Variants in RAB2A observed in about 807,000 individuals in gnomAD.
RAB2A encodes ras-related protein Rab-2A.
RAB2A carries 7 observed loss-of-function variants against 32.5 expected under a neutral mutation model. The ratio of observed to expected loss-of-function variants is 0.22; its 90% CI spans 0.12 to 0.40. The LOEUF is 0.40. Ranked by LOEUF, RAB2A falls within the 10% of genes least tolerant of loss-of-function variation. The pLI is 1.00. For synonymous variants in RAB2A, 79 were observed against 85.2 expected, an observed-to-expected ratio of 0.93 and a Z score of 0.40; for missense variants, 108 against 260.7, an observed-to-expected ratio of 0.41 and a Z score of 4.03.
At chr8:60,517,377 CT>C in intron 1 of RAB2A, 124 bp downstream of exon 1, 1 of 946,286 alleles carries the variant, frequency 1.1e-6, no homozygotes, top group Non-Finnish European at 1.5e-6. Context: ...GGCCGCGCCG[CT>C]CCATTTCCGC....
chr8:60,580,415 T>TA (rs201811996), intron 3 of RAB2A, among the ~76,000 whole-genome samples: 2,337 of 146,100 alleles, frequency 0.016, 48 homozygotes, highest in African/African-American at 0.053. Context: ...GAAGCCATAA[T>TA]AAAAAAAAAA....
intron 2 of RAB2A, among the ~76,000 whole-genome samples, chr8:60,565,812 G>A (rs1808103932): frequency 6.8e-6 from 1 of 147,800 alleles, no homozygotes; most frequent in South Asian, 2.2e-4. Flanking sequence ...CCAGGTTCAA[G>A]CGATTCTCCT....
chr8:60,530,253 G>T (rs1031147244), intron 1 of RAB2A, among the ~76,000 whole-genome samples: 5 of 150,470 alleles, frequency 3.3e-5, no homozygotes, highest in East Asian at 2.0e-4. Flanking sequence ...GTTTCAAGCC[G>T]TTCTGCCTCA....
At position 60,620,991 on chromosome 8, in the gene RAB2A, T is replaced by A; in HGVS notation, c.*222T>A. 2.1e-6 allele frequency: 1 copy of A among 466,222 alleles called. No homozygotes were observed. 28.9% of individuals were successfully genotyped at this position (466,222 alleles called of 1,614,324 possible). A position where few individuals can be genotyped will look rare whatever the true frequency, so the allele number is the denominator to read the frequency against. On this transcript the variant is annotated 3_prime_UTR_variant, in exon 8 of 8. Coordinates refer to ENST00000262646, the MANE Select transcript of RAB2A (RefSeq NM_002865.3). ...TATCTATTTGCATTTGATTTCTAGG[T>A]CAATTGATGTGATTATTTTTGTTAA...
chr8:60,524,053 A>G (rs1807342234), intron 1 of RAB2A, among the ~76,000 whole-genome samples: 1 of 151,854 alleles, frequency 6.6e-6, no homozygotes, highest in African/African-American at 2.4e-5. Flanking sequence ...TCCCCCTAAT[A>G]TTTATACCGT....
intron 1 of RAB2A, among the ~76,000 whole-genome samples, chr8:60,530,934 C>T (rs867278000): frequency 6.6e-6 from 1 of 152,186 alleles, no homozygotes; most frequent in African/African-American, 2.4e-5. Context: ...GAGAAGATAC[C>T]TGCCACTAAC....
chr8:60,558,511 C>A, intron 1 of RAB2A: 1 of 495,348 alleles, frequency 2.0e-6, no homozygotes, highest in South Asian at 1.5e-5. Context: ...TAAATATTTT[C>A]ACTGTAACAC....
chr8:60,614,603 C>T (rs1028827119), intron 6 of RAB2A, among the ~76,000 whole-genome samples: 2 of 152,136 alleles, frequency 1.3e-5, no homozygotes, highest in Admixed American at 1.3e-4. Context: ...GTAAGATCCA[C>T]ATTAGCGTGT....
rs1052259048 is a variant in RAB2A at position 60,571,949 on chromosome 8, C to T, written c.119-97C>T. Reference sequence around the variant, plus strand: ...TAAAGTTGATCTGTATATTACCTAGCATAGCATGTCTTGGAAGTAAACATT... The same window carrying T: ...TAAAGTTGATCTGTATATTACCTAGTATAGCATGTCTTGGAAGTAAACATT... On this transcript the variant is annotated intron_variant, in intron 2 of 7. Coordinates refer to ENST00000262646, the MANE Select transcript of RAB2A (RefSeq NM_002865.3). 36 of 775,922 alleles carry T rather than the reference C, an allele frequency of 4.6e-5. No individual in the cohort carries two copies. The East Asian group carries it at 5.1e-4, about 11-fold the overall frequency. The allele number at this position is 775,922 out of a possible 1,614,324, so 48.1% of individuals were successfully genotyped here.
At chr8:60,576,168 T>C in intron 3 of RAB2A, 1 of 455,346 alleles carries the variant, frequency 2.2e-6, no homozygotes, top group Non-Finnish European at 4.4e-6. Context: ...CTTGGCCCTT[T>C]ACTGAGTTAC....
At chr8:60,594,149 C>A (rs137875777) in intron 6 of RAB2A, among the ~76,000 whole-genome samples, 1 of 152,130 alleles carries the variant, frequency 6.6e-6, no homozygotes, top group Non-Finnish European at 1.5e-5. Context: ...CAAAAGCTGA[C>A]GTTATATGAT....
In RAB2A at chr8:60,558,826, CTTAT is replaced by C. The variant is rs1563469654; in HGVS notation, c.47-19_47-16del. 3.8e-6 allele frequency: 6 copies of C among 1,580,730 alleles called. No homozygotes were observed. The highest frequency in any genetic ancestry group is 1.4e-5 in the African/African-American group (1 of 74,048). On this transcript the variant is annotated intron_variant, in intron 1 of 7. Transcript: ENST00000262646. ...ATCTTAATTTCTGTGAATTTTGTCT[CTTAT>C]TTATTTTTTTTTAACTTTCAGGTGT...
At chr8:60,601,487 G>A (rs1804134281) in intron 6 of RAB2A, among the ~76,000 whole-genome samples, 1 of 152,064 alleles carries the variant, frequency 6.6e-6, no homozygotes, top group Non-Finnish European at 1.5e-5. Context: ...ACAGGCATGT[G>A]CCACCACGCC....
At chr8:60,573,830 T>C (rs1269356478) in intron 3 of RAB2A, among the ~76,000 whole-genome samples, 1 of 152,258 alleles carries the variant, frequency 6.6e-6, no homozygotes, top group Non-Finnish European at 1.5e-5. Context: ...TCACCCAGGC[T>C]GTAGTGCAGT....
intron 3 of RAB2A, among the ~76,000 whole-genome samples, chr8:60,573,521 G>C (rs1808226196): frequency 6.6e-6 from 1 of 152,094 alleles, no homozygotes; most frequent in African/African-American, 2.4e-5. Flanking sequence ...CCTTGTCCTT[G>C]AATTGTCCAC....
In RAB2A at chr8:60,623,354, A is replaced by G. The variant is rs1017468616; in HGVS notation, c.*2585A>G. ...TATAAATCGTACCAAAATGTTTCCA[A>G]TCACTCAGAAAAACTGATTCATGTC... On this transcript the variant is annotated 3_prime_UTR_variant, in exon 8 of 8. Transcript: ENST00000262646. 2 of 152,200 alleles carry G rather than the reference A, an allele frequency of 1.3e-5. No individual in the cohort carries two copies. Among genetic ancestry groups the G allele is most frequent in the Admixed American group, 6.5e-5 (1 of 15,286 alleles). The allele number at this position is 152,200 out of a possible 1,614,324, so 9.4% of individuals were successfully genotyped here.
intron 6 of RAB2A, among the ~76,000 whole-genome samples, chr8:60,597,534 T>C (rs889334697): frequency 6.6e-6 from 1 of 152,070 alleles, no homozygotes; most frequent in African/African-American, 2.4e-5. Flanking sequence ...ATGGCACGTA[T>C]ATACCTATGT....
intron 1 of RAB2A, among the ~76,000 whole-genome samples, chr8:60,523,439 G>A (rs1427562839): frequency 6.6e-6 from 1 of 150,548 alleles, no homozygotes; most frequent in African/African-American, 2.4e-5. Flanking sequence ...TTACAGGCAT[G>A]AGCCACCACG....
chr8:60,594,652 G>A (rs1481596672), intron 6 of RAB2A, among the ~76,000 whole-genome samples: 5 of 152,026 alleles, frequency 3.3e-5, no homozygotes, highest in Non-Finnish European at 7.4e-5. Context: ...CCCCCAACAG[G>A]CCCCGGTGTG....
Sources: gnomAD v4.1 joint callset for allele counts (sites outside exome capture counted in the v4.1 genomes callset) on GRCh38, gnomAD v4.1.1 for gene constraint, MANE v1.5 for transcripts, NCBI Gene and HGNC (gene_info 2026-07-23, HGNC 2026-07-21) for gene names.